Variants in ESRRG observed in about 807,000 individuals in gnomAD.
The protein encoded by ESRRG is estrogen-related receptor gamma.
In ESRRG, 13 loss-of-function variants were observed where a neutral mutation model predicts 44.0. That is an observed-to-expected ratio of 0.30 (90% confidence interval 0.19 to 0.47). ESRRG has a LOEUF of 0.47. Ranked by LOEUF, ESRRG falls within the 20% of genes least tolerant of loss-of-function variation. ESRRG has a pLI of 1.00. For synonymous variants in ESRRG, 215 were observed against 214.6 expected (o/e 1.00, Z -0.02); for missense variants, 395 against 580.6 (o/e 0.68, Z 3.29).
intron 1 of ESRRG, among the ~76,000 whole-genome samples, chr1:217,125,290 C>A (rs1235040713): frequency 2.0e-5 from 3 of 152,180 alleles, no homozygotes; most frequent in Non-Finnish European, 4.4e-5. Context: ...CAGTTGTTGT[C>A]TGTACGAAGG....
At chr1:217,028,613 A>G (rs1042573484) in intron 1 of ESRRG, among the ~76,000 whole-genome samples, 2 of 152,202 alleles carry the variant, frequency 1.3e-5, no homozygotes, top group Non-Finnish European at 2.9e-5. Context: ...GTCCACCATC[A>G]CTATTTCCTT....
intron 3 of ESRRG, among the ~76,000 whole-genome samples, chr1:216,639,863 T>C (rs2066035506): frequency 6.6e-6 from 1 of 152,202 alleles, no homozygotes; most frequent in South Asian, 2.1e-4. Context: ...TAGTCATCTA[T>C]AAAAGAAGAG....
At chr1:216,813,940 C>A (rs1231278915) in intron 2 of ESRRG, among the ~76,000 whole-genome samples, 1 of 152,134 alleles carries the variant, frequency 6.6e-6, no homozygotes, top group Non-Finnish European at 1.5e-5. Context: ...TCTGCTGTGG[C>A]ATCTGATTCA....
At chr1:216,518,572 C>T (rs956897932) in intron 6 of ESRRG, among the ~76,000 whole-genome samples, 1 of 152,084 alleles carries the variant, frequency 6.6e-6, no homozygotes, top group Non-Finnish European at 1.5e-5. Flanking sequence ...AAAGCACCAA[C>T]GATTTTTACT....
intron 2 of ESRRG, among the ~76,000 whole-genome samples, chr1:216,915,496 C>G (rs1293159989): frequency 6.6e-6 from 1 of 152,088 alleles, no homozygotes; most frequent in African/African-American, 2.4e-5. Flanking sequence ...ATTCAAAGTT[C>G]AACACTTTGA....
At chr1:216,939,498 C>T (rs1198437357) in intron 2 of ESRRG, 2 of 151,870 alleles carry the variant, frequency 1.3e-5, no homozygotes, top group African/African-American at 2.4e-5. Context: ...GACACTTAAC[C>T]CTCTAATGTG....
chr1:216,582,896 A>T (rs2063062871), intron 3 of ESRRG, among the ~76,000 whole-genome samples: 1 of 152,326 alleles, frequency 6.6e-6, no homozygotes, highest in East Asian at 1.9e-4. Flanking sequence ...GTGCTTTCTT[A>T]GGGTTTGTCA....
intron 1 of ESRRG, among the ~76,000 whole-genome samples, chr1:216,692,738 G>A (rs1328074942): frequency 1.3e-5 from 2 of 152,110 alleles, no homozygotes; most frequent in South Asian, 4.1e-4. Context: ...CTCTAAAAGT[G>A]TACCATTTTT....
At chr1:216,523,928 C>T (rs1341316157) in intron 5 of ESRRG, among the ~76,000 whole-genome samples, 1 of 151,422 alleles carries the variant, frequency 6.6e-6, no homozygotes, top group Non-Finnish European at 1.5e-5. Context: ...TCACTGAGAT[C>T]ACAAATGAAG....
At chr1:216,582,356 A>C (rs1368057972) in intron 3 of ESRRG, among the ~76,000 whole-genome samples, 1 of 152,182 alleles carries the variant, frequency 6.6e-6, no homozygotes, top group Admixed American at 6.5e-5. Context: ...AGGGTCTTTA[A>C]ATTCATCCAT....
At chr1:217,108,356 AC>A (rs2092622455) in intron 1 of ESRRG, among the ~76,000 whole-genome samples, 1 of 152,154 alleles carries the variant, frequency 6.6e-6, no homozygotes, top group South Asian at 2.1e-4. Context: ...GGTATTTGCC[AC>A]AATTCTGCTT....
intron 2 of ESRRG, among the ~76,000 whole-genome samples, chr1:216,830,920 T>C (rs190577014): frequency 1.5e-3 from 223 of 151,958 alleles, no homozygotes; most frequent in Admixed American, 5.6e-3. Flanking sequence ...TGAAATGTCA[T>C]AATACCCCCA....
intron 2 of ESRRG, among the ~76,000 whole-genome samples, chr1:216,754,993 A>G (rs1365762647): frequency 6.6e-6 from 1 of 152,002 alleles, no homozygotes; most frequent in Non-Finnish European, 1.5e-5. Context: ...ATGATGATAG[A>G]CTATGGAAGA....
chr1:216,589,000 A>C (rs2057186000), intron 3 of ESRRG, among the ~76,000 whole-genome samples: 2 of 152,220 alleles, frequency 1.3e-5, no homozygotes, highest in South Asian at 4.1e-4. Context: ...AGCAAATGCC[A>C]AAACTCAGAT....
intron 6 of ESRRG, among the ~76,000 whole-genome samples, chr1:216,515,234 A>ACGT (rs2043873810): frequency 6.6e-6 from 1 of 151,884 alleles, no homozygotes; most frequent in Non-Finnish European, 1.5e-5. Flanking sequence ...TATATAATAT[A>ACGT]ATATATATAT....
intron 2 of ESRRG, among the ~76,000 whole-genome samples, chr1:216,896,407 G>A (rs988490778): frequency 1.3e-5 from 2 of 152,100 alleles, no homozygotes; most frequent in African/African-American, 4.8e-5. Context: ...CCCCTTTATA[G>A]GCTGATTTGA....
chr1:216,519,193 T>A lies in ESRRG; in HGVS notation c.1091A>T (p.Glu364Val). Residue 364 changes from glutamate to valine, a missense_variant, in exon 6 of 7, where the codon GAA becomes GTA. Glu to Val is a moderately radical substitution (Grantham distance 121). Around this residue, in one of 5 missense-constraint regions of ESRRG, gnomAD observed 167 missense variants for 251.8 expected, o/e 0.66. Transcript: ENST00000408911. ...KKYKSMKLEK[E>V]EFVTLKAIAL... ...TATAGCTTTGAGGGTGACAAATTCT[T>A]CTTTTTCCAGCTTCATGCTCTTGTA... 6.2e-7 allele frequency: 1 copy of A among 1,613,860 alleles called. No homozygotes were observed. Among genetic ancestry groups the A allele is most frequent in the Admixed American group, 1.7e-5 (1 of 59,972 alleles).
intron 1 of ESRRG, among the ~76,000 whole-genome samples, chr1:217,135,158 T>C (rs2093031276): frequency 2.0e-5 from 3 of 152,038 alleles, no homozygotes; most frequent in African/African-American, 7.3e-5. Context: ...AAAGGAAAGG[T>C]CTCCATCTGG....
At chr1:216,603,950 A>AAACAC (rs796260759) in intron 3 of ESRRG, among the ~76,000 whole-genome samples, 1 of 95,470 alleles carries the variant, frequency 1.0e-5, no homozygotes, top group East Asian at 2.0e-4. Flanking sequence ...AAAAACAAAA[A>AAACAC]AAAAAAAAAA....
Sources: allele counts gnomAD v4.1 joint callset (sites outside exome capture counted in the v4.1 genomes callset), GRCh38; gene constraint gnomAD v4.1.1; regional missense constraint gnomAD v4.1.1; transcripts MANE v1.5; gene names NCBI Gene and HGNC (gene_info 2026-07-23, HGNC 2026-07-21).